The following BMPR1A variants were observed in gnomAD, a reference collection of about 807,000 sequenced individuals.
The protein encoded by BMPR1A is bone morphogenetic protein receptor type-1A.
Under a neutral mutation model 66.0 loss-of-function variants are expected in BMPR1A, and 7 were observed. The observed-to-expected ratio is 0.11, with a 90% CI of 0.06 to 0.20. BMPR1A has a LOEUF of 0.20. Among genes scored for constraint, BMPR1A ranks in the 10% least tolerant of loss-of-function variants. The probability of loss-of-function intolerance (pLI) is 1.00; values close to 1 mark genes in which losing one functional copy is unlikely to be tolerated. For missense variants in BMPR1A, 408 were observed against 669.1 expected (o/e 0.61, Z 4.31); for synonymous variants, 200 against 229.7 (o/e 0.87, Z 1.17).
Position 86,924,233 on chromosome 10 carries a change from ATG to A in BMPR1A, c.*524_*525del. 2 of 256,916 alleles carry A rather than the reference ATG, an allele frequency of 7.8e-6. No homozygotes were observed. Among genetic ancestry groups the A allele is most frequent in the East Asian group, 5.4e-5 (1 of 18,690 alleles). 15.9% of individuals were successfully genotyped at this position (256,916 alleles called of 1,614,324 possible). A position where few individuals can be genotyped will look rare whatever the true frequency, so the allele number is the denominator to read the frequency against. On this transcript the variant is annotated 3_prime_UTR_variant, in exon 13 of 13. Transcript: ENST00000372037. ...GATAGTTTGTCCTGTGTCCTTAGTG[ATG>A]TGTGTGTGTCTCCATGCACATGCAC...
intron 3 of BMPR1A, among the ~76,000 whole-genome samples, chr10:86,883,549 C>CAAAAAAAAAAAAAAAAAAAAA (rs71019436): frequency 2.2e-5 from 1 of 45,410 alleles, no homozygotes; most frequent in African/African-American, 7.1e-5. Flanking sequence ...GACTCCGTCT[C>CAAAAAAAAAAAAAAAAAAAAA]AAAAAAAAAA....
intron 2 of BMPR1A, chr10:86,855,982 C>A (rs534039427): frequency 1.5e-5 from 9 of 620,268 alleles, no homozygotes; most frequent in Non-Finnish European, 2.4e-5. Context: ...CCACTTTGCC[C>A]TTCCTTTAGC....
At chr10:86,866,721 A>G (rs1246371096) in intron 2 of BMPR1A, among the ~76,000 whole-genome samples, 6 of 151,966 alleles carry the variant, frequency 3.9e-5, no homozygotes, top group Non-Finnish European at 7.4e-5. Flanking sequence ...ATGAAGATGA[A>G]AAAAGATCTT....
In BMPR1A at chr10:86,808,865, C is replaced by A. The variant is rs1841927701; in HGVS notation, c.-267-30000C>A. Among the ~76,000 whole-genome samples, 3 of 152,158 alleles carry A rather than the reference C, an allele frequency of 2.0e-5. No homozygotes were observed. In the South Asian group the frequency reaches 6.2e-4, roughly 32 times the overall value. On this transcript the variant is annotated intron_variant, in intron 1 of 12. Transcript: ENST00000372037. ...CTGCTACCCAAATCAGGATGGCTACCAAACCTGCCCATCTTCAGTAATCTT... is the reference window on the plus strand; with the variant it reads ...CTGCTACCCAAATCAGGATGGCTACAAAACCTGCCCATCTTCAGTAATCTT...
intron 1 of BMPR1A, among the ~76,000 whole-genome samples, chr10:86,789,996 A>C (rs1428240358): frequency 6.7e-6 from 1 of 149,518 alleles, no homozygotes; most frequent in Admixed American, 6.7e-5. Flanking sequence ...CTCCACTAAA[A>C]ATACAAAAAA....
intron 2 of BMPR1A, among the ~76,000 whole-genome samples, chr10:86,868,536 GTC>G (rs1213689235): frequency 6.6e-6 from 1 of 152,242 alleles, no homozygotes; most frequent in African/African-American, 2.4e-5. Flanking sequence ...TCTGCAGTGA[GTC>G]TATTCCTTCT....
chr10:86,835,921 G>C (rs566263551), intron 1 of BMPR1A, among the ~76,000 whole-genome samples: 1 of 152,300 alleles, frequency 6.6e-6, no homozygotes, highest in African/African-American at 2.4e-5. Context: ...AAGAAATTTT[G>C]ATGTTAGCTC....
rs760739609 is a variant in BMPR1A at position 86,899,887 on chromosome 10, A to C, written c.427A>C (p.Ile143Leu). 1 of 1,614,024 alleles carries C rather than the reference A, an allele frequency of 6.2e-7. No individual in the cohort carries two copies. Among genetic ancestry groups the C allele is most frequent in the Non-Finnish European group, 8.5e-7 (1 of 1,179,870 alleles). ...YLQPTLPPVV[I>L]GPFFDGSIRW... is the part of the protein sequence containing the mutation. ...GCAACCCACACTGCCCCCTGTTGTC[A>C]TAGGTAGGTTAGCCGAGAAAAGTCG... The change falls in exon 6 of 13, where the codon ATA becomes CTA. Residue 143 changes from isoleucine (I) to leucine (L), a missense_variant. Transcript: ENST00000372037.
chr10:86,919,298 T>C lies in BMPR1A; in HGVS notation c.995T>C (p.Leu332Pro), dbSNP rs1064793886. ...KCATLDTRAL[L>P]KLAYSAACGL... is the part of the protein sequence containing the mutation. ...GCTACACTGGACACCAGAGCCCTGC[T>C]TAAATTGGCTTATTCAGCTGCCTGT... Residue 332 changes from leucine to proline, a missense_variant, in exon 10 of 13, where the codon CTT becomes CCT. Physicochemically the swap from Leu to Pro is moderately conservative, Grantham distance 98. Coordinates refer to ENST00000372037, the MANE Select transcript of BMPR1A (RefSeq NM_004329.3). 3.1e-6 allele frequency: 5 copies of C among 1,613,892 alleles called. No individual in the cohort carries two copies. The highest frequency in any genetic ancestry group is 4.2e-6 in the Non-Finnish European group (5 of 1,179,886).
chr10:86,837,890 T>C (rs1036671786), intron 1 of BMPR1A, among the ~76,000 whole-genome samples: 3 of 152,228 alleles, frequency 2.0e-5, no homozygotes, highest in Non-Finnish European at 4.4e-5. Context: ...CTACCTGATA[T>C]GCTAGACCGT....
chr10:86,831,434 A>G (rs1842265873), intron 1 of BMPR1A, among the ~76,000 whole-genome samples: 1 of 152,214 alleles, frequency 6.6e-6, no homozygotes, highest in African/African-American at 2.4e-5. Context: ...TTTAGATGAC[A>G]TTGGGTAACT....
In BMPR1A at chr10:86,812,064, A is replaced by T. The variant is rs116128576; in HGVS notation, c.-267-26801A>T. Among the ~76,000 whole-genome samples, 661 of 139,690 alleles carry T rather than the reference A, an allele frequency of 4.7e-3. 9 individuals are homozygous for T. Among genetic ancestry groups the T allele is most frequent in the African/African-American group, 0.018 (624 of 34,008 alleles). The allele number at this position is 139,690 out of a possible 152,430, so 91.6% of individuals were successfully genotyped here. On this transcript the variant is annotated intron_variant, in intron 1 of 12. Coordinates refer to ENST00000372037, the MANE Select transcript of BMPR1A (RefSeq NM_004329.3). The stretch of plus-strand genomic sequence containing the variant: ...GCCACTGCTCTCCAGGGCAAAAAAG[A>T]AAAAAAAAAACCCTAAAAATAGAGC...
intron 2 of BMPR1A, among the ~76,000 whole-genome samples, chr10:86,857,295 T>A (rs1842655413): frequency 6.6e-6 from 1 of 152,128 alleles, no homozygotes; most frequent in Non-Finnish European, 1.5e-5. Flanking sequence ...TCAGGAATGA[T>A]CCATGAGGCT....
chr10:86,921,102 C>A (rs1843656866), intron 10 of BMPR1A, among the ~76,000 whole-genome samples: 2 of 152,110 alleles, frequency 1.3e-5, no homozygotes, highest in Admixed American at 1.3e-4. Flanking sequence ...GATGCGCCCG[C>A]CTTGGCCTCC....
intron 2 of BMPR1A, among the ~76,000 whole-genome samples, chr10:86,868,840 T>C (rs1160429529): frequency 6.6e-6 from 1 of 151,836 alleles, no homozygotes; most frequent in East Asian, 1.9e-4. Context: ...TTGAGGAGTT[T>C]TAAAATCTTT....
intron 1 of BMPR1A, among the ~76,000 whole-genome samples, chr10:86,817,433 T>TC (rs1842050591): frequency 6.6e-6 from 1 of 152,202 alleles, no homozygotes; most frequent in African/African-American, 2.4e-5. Context: ...CCCTCCTCCT[T>TC]AAGGCTGAAC....
chr10:86,789,975 C>T (rs1339892752), intron 1 of BMPR1A, among the ~76,000 whole-genome samples: 1 of 149,264 alleles, frequency 6.7e-6, no homozygotes, highest in Non-Finnish European at 1.5e-5. Flanking sequence ...GCTAACACAG[C>T]GAAACCCCGT....
In BMPR1A at chr10:86,918,941, T is replaced by C. The variant is rs964329304; in HGVS notation, c.869-231T>C. ...ATATATGATCTTTTTCTTAATCCTA[T>C]TCACTTTCATGATTATTAAGATTAT... On this transcript the variant is annotated intron_variant, in intron 9 of 12. Coordinates refer to ENST00000372037, the MANE Select transcript of BMPR1A (RefSeq NM_004329.3). 7.9e-5 allele frequency among the ~76,000 whole-genome samples: 12 copies of C among 152,168 alleles called. 1 individual carries two copies. In the East Asian group the frequency reaches 2.3e-3, roughly 29 times the overall value.
At chr10:86,830,614 C>T (rs1451336817) in intron 1 of BMPR1A, among the ~76,000 whole-genome samples, 1 of 152,074 alleles carries the variant, frequency 6.6e-6, no homozygotes, top group Non-Finnish European at 1.5e-5. Flanking sequence ...GCGTATTTGC[C>T]GTCTATATAT....
Sources: gnomAD v4.1 joint callset for allele counts (sites outside exome capture counted in the v4.1 genomes callset) on GRCh38, gnomAD v4.1.1 for gene constraint, MANE v1.5 for transcripts, NCBI Gene and HGNC (gene_info 2026-07-23, HGNC 2026-07-21) for gene names.